Variants in RGS9 observed in about 807,000 individuals in gnomAD.
RGS9 encodes the protein regulator of G protein signaling 9, also known as regulator of G-protein signalling 9.
A neutral mutation model predicts 102.0 loss-of-function variants in RGS9; 78 were observed. The observed-to-expected ratio is 0.76, with a 90% CI of 0.64 to 0.92. The LOEUF (loss-of-function observed/expected upper bound fraction) is 0.92, where lower values mean the gene tolerates loss of function less well. Ranked by LOEUF, RGS9 falls within the 40% of genes least tolerant of loss-of-function variation. The pLI, the probability that RGS9 is intolerant of heterozygous loss-of-function variation, is 0.00. For missense variants in RGS9, 833 were observed against 866.1 expected (o/e 0.96, Z 0.48); for synonymous variants, 353 against 318.6 (o/e 1.11, Z -1.15).
At chr17:65,149,029 T>C (rs1397825378) in intron 1 of RGS9, among the ~76,000 whole-genome samples, 1 of 152,154 alleles carries the variant, frequency 6.6e-6, no homozygotes, top group East Asian at 1.9e-4. Context: ...TGACGTGATC[T>C]CGGCTCATTG....
Position 65,227,291 on chromosome 17 carries a change from A to C in RGS9, c.1909A>C (p.Met637Leu). 2.5e-6 allele frequency: 4 copies of C among 1,614,072 alleles called. No individual in the cohort carries two copies. The highest frequency in any genetic ancestry group is 3.4e-6 in the Non-Finnish European group (4 of 1,180,010). ...KRVANFFQIK[M>L]DVPTGSGTCL... ...CACCTGAAGCTTTTTCCAGATCAAA[A>C]TGGATGTGCCCACGGGGAGCGGGAC... The change falls in exon 19 of 19, where the codon ATG becomes CTG. Residue 637 changes from methionine to leucine, a missense_variant. Met to Leu is a conservative substitution (Grantham distance 15). Coordinates refer to ENST00000262406, the MANE Select transcript of RGS9 (RefSeq NM_003835.4).
chr17:65,182,035 A>G lies in RGS9; in HGVS notation c.654+4232A>G, dbSNP rs76751627. Among the ~76,000 whole-genome samples, 1,358 of 152,300 alleles carry G rather than the reference A, an allele frequency of 8.9e-3. 19 individuals carry two copies. Among genetic ancestry groups the G allele is most frequent in the African/African-American group, 0.031 (1,299 of 41,560 alleles). ...ACCTTCTCATACTTCTCCCCTGGTTAGAGGTGGAAGGAGGGGTTACATGCC... is the reference window on the plus strand; with the variant it reads ...ACCTTCTCATACTTCTCCCCTGGTTGGAGGTGGAAGGAGGGGTTACATGCC... On this transcript the variant is annotated intron_variant, in intron 9 of 18. Coordinates refer to ENST00000262406, the MANE Select transcript of RGS9 (RefSeq NM_003835.4).
intron 1 of RGS9, among the ~76,000 whole-genome samples, chr17:65,143,286 G>T (rs1453520368): frequency 6.6e-6 from 1 of 152,156 alleles, no homozygotes; most frequent in Non-Finnish European, 1.5e-5. Context: ...CGTTGATGGG[G>T]CCACTGTTGA....
chr17:65,216,260 A>C (rs1913518702), intron 17 of RGS9, among the ~76,000 whole-genome samples: 1 of 152,212 alleles, frequency 6.6e-6, no homozygotes, highest in South Asian at 2.1e-4. Context: ...TCAAAACTGA[A>C]TGTTACATTT....
chr17:65,161,042 A>T, intron 6 of RGS9, 133 bp downstream of exon 6: 1 of 753,808 alleles, frequency 1.3e-6, no homozygotes, highest in Non-Finnish European at 2.3e-6. Flanking sequence ...CCAGCCAGCT[A>T]GCCATCCATT....
intron 9 of RGS9, among the ~76,000 whole-genome samples, chr17:65,182,361 C>A (rs4791226): frequency 6.6e-6 from 1 of 152,284 alleles, no homozygotes; most frequent in South Asian, 2.1e-4. Flanking sequence ...CCCTTTGTAA[C>A]GGCTCAGCTA....
intron 13 of RGS9, among the ~76,000 whole-genome samples, chr17:65,200,699 G>A (rs1460152979): frequency 6.6e-6 from 1 of 152,140 alleles, no homozygotes; most frequent in Non-Finnish European, 1.5e-5. Flanking sequence ...TTAAAAAAAT[G>A]CAGTTGACCC....
chr17:65,184,008 G>A (rs1171449337), intron 9 of RGS9, among the ~76,000 whole-genome samples: 7 of 152,226 alleles, frequency 4.6e-5, no homozygotes, highest in Non-Finnish European at 1.0e-4. Flanking sequence ...GATTCCTTAA[G>A]CAGAGTCTTC....
chr17:65,137,463 G>A lies in RGS9; in HGVS notation c.-78G>A. On this transcript the variant is annotated 5_prime_UTR_variant, in exon 1 of 19. Transcript: ENST00000262406. ...CGACGCCCAGGGCTGGGGCGAGCCA[G>A]GCTGCCTTTCGAACTTGGGGGGCTT... 1 of 1,475,588 alleles carries A rather than the reference G, an allele frequency of 6.8e-7. No homozygotes were observed. Among genetic ancestry groups the A allele is most frequent in the Non-Finnish European group, 9.4e-7 (1 of 1,064,368 alleles). 91.4% of individuals were successfully genotyped at this position (1,475,588 alleles called of 1,614,324 possible). A position where few individuals can be genotyped will look rare whatever the true frequency, so the allele number is the denominator to read the frequency against.
intron 1 of RGS9, among the ~76,000 whole-genome samples, chr17:65,140,353 A>G (rs191485605): frequency 3.3e-5 from 5 of 152,328 alleles, no homozygotes; most frequent in Non-Finnish European, 7.3e-5. Context: ...TGTTTCAGGC[A>G]GAGGGAACAG....
intron 1 of RGS9, among the ~76,000 whole-genome samples, chr17:65,144,287 A>G (rs1331986483): frequency 6.6e-6 from 1 of 152,156 alleles, no homozygotes; most frequent in Non-Finnish European, 1.5e-5. Context: ...GCTTAAAGGA[A>G]AATTCCAGCC....
chr17:65,184,859 GTCTC>G lies in RGS9; in HGVS notation c.655-4411_655-4408del, dbSNP rs55810439. ...CTTCCTTCTTTCCTTCCTTCTCACT[GTCTC>G]TCTCTCTCTCTCTCTTTCTTTTTTG... On this transcript the variant is annotated intron_variant, in intron 9 of 18. Coordinates refer to ENST00000262406, the MANE Select transcript of RGS9 (RefSeq NM_003835.4). Among the ~76,000 whole-genome samples, 494 of 138,414 alleles carry G rather than the reference GTCTC, an allele frequency of 3.6e-3. 3 individuals are homozygous for G. Among genetic ancestry groups the G allele is most frequent in the African/African-American group, 0.011 (433 of 37,664 alleles). The allele number at this position is 138,414 out of a possible 152,430, so 90.8% of individuals were successfully genotyped here.
intron 14 of RGS9, 124 bp from the exon 15 acceptor site, chr17:65,204,039 A>G (rs1279172969): frequency 2.5e-6 from 3 of 1,180,560 alleles, no homozygotes; most frequent in Non-Finnish European, 3.7e-6. Flanking sequence ...GTGTCTCCTA[A>G]AAAAACCACC....
Position 65,220,758 on chromosome 17 carries a change from A to G in RGS9, c.1408-4244A>G, listed in dbSNP as rs76107776. 7.4e-4 allele frequency among the ~76,000 whole-genome samples: 112 copies of G among 152,320 alleles called. 3 individuals are homozygous for G. In the East Asian group the frequency reaches 0.018, roughly 25 times the overall value. ...CAGAAAATGAATTTCATCTCTATGC[A>G]CTACCTGCTTTGCCATTCATTAAAA... On this transcript the variant is annotated intron_variant, in intron 17 of 18. Coordinates refer to ENST00000262406, the MANE Select transcript of RGS9 (RefSeq NM_003835.4).
chr17:65,204,166 G>A lies in RGS9; in HGVS notation c.1068G>A (p.Leu356=). The stretch of plus-strand genomic sequence containing the variant: ...TAACATCTCCCTCCCACCCCAGGCT[G>A]TTCCTGGCCCCGGGGGCGAGGCGCT... ...VKEKAEEIYK[L]FLAPGARRWI... Residue 356 remains leucine, a synonymous_variant, in exon 15 of 19, where the codon CTG becomes CTA. Transcript: ENST00000262406. 6.2e-7 allele frequency: 1 copy of A among 1,612,510 alleles called. No individual in the cohort carries two copies. The highest frequency in any genetic ancestry group is 8.5e-7 in the Non-Finnish European group (1 of 1,180,012).
intron 1 of RGS9, among the ~76,000 whole-genome samples, chr17:65,146,623 GGT>G (rs1910372413): frequency 6.6e-6 from 1 of 151,464 alleles, no homozygotes; most frequent in South Asian, 2.1e-4. Context: ...GGCCGGGCAC[GGT>G]GGCTCATGCC....
chr17:65,201,430 T>A (rs1162389122), intron 13 of RGS9, among the ~76,000 whole-genome samples: 1 of 152,194 alleles, frequency 6.6e-6, no homozygotes, highest in African/African-American at 2.4e-5. Flanking sequence ...GGTGAGGGAC[T>A]GCAAATGATG....
At chr17:65,212,676 T>C (rs2869580) in intron 17 of RGS9, among the ~76,000 whole-genome samples, 28,210 of 152,166 alleles carry the variant, frequency 0.19, 4,513 homozygotes, top group African/African-American at 0.44. Flanking sequence ...ACTGGTTTCA[T>C]GTTAGCAAAA....
At chr17:65,183,059 T>A (rs1274385923) in intron 9 of RGS9, among the ~76,000 whole-genome samples, 1 of 145,596 alleles carries the variant, frequency 6.9e-6, no homozygotes, top group Non-Finnish European at 1.5e-5. Context: ...TTAATTTTTT[T>A]AAATCTATCT....
Sources: gnomAD v4.1 joint callset for allele counts (sites outside exome capture counted in the v4.1 genomes callset) on GRCh38, gnomAD v4.1.1 for gene constraint, MANE v1.5 for transcripts, NCBI Gene and HGNC (gene_info 2026-07-23, HGNC 2026-07-21) for gene names.